PIEZO1: variants seen among roughly 807,000 people sequenced by gnomAD.
PIEZO1 encodes piezo type mechanosensitive ion channel component 1 (Er blood group), also known as piezo-type mechanosensitive ion channel component 1.
Under a neutral mutation model 297.2 loss-of-function variants are expected in PIEZO1, and 296 were observed. That is an observed-to-expected ratio of 1.00 (90% CI 0.91 to 1.10). The LOEUF is 1.10. Ranked by LOEUF, PIEZO1 falls within the 50% of genes least tolerant of loss-of-function variation. PIEZO1 has a pLI of 0.00. For synonymous variants in PIEZO1, 2,427 were observed against 1,507.5 expected (o/e 1.61, Z -14.13); for missense variants, 5,018 against 3,455.5 (o/e 1.45, Z -11.34).
chr16:88,740,933 G>C (rs1226606498), intron 5 of PIEZO1: 1 of 152,820 alleles, frequency 6.5e-6, no homozygotes, highest in African/African-American at 2.4e-5. Context: ...GTCCGTGTGA[G>C]GGGGCCATAG....
chr16:88,746,593 C>G (rs1423543379), intron 2 of PIEZO1, among the ~76,000 whole-genome samples: 1 of 152,198 alleles, frequency 6.6e-6, no homozygotes, highest in East Asian at 1.9e-4. Flanking sequence ...ACGCCAAGCC[C>G]AGCAGCTGCA....
rs1912005480 is a variant in PIEZO1 at position 88,716,106 on chromosome 16, G to A, written c.7143C>T (p.Asp2381=). ...VKQLQPNEEA[D]YLGVRIQLRR... ...GCAGCTGGATACGCACGCCGAGGTA[G>A]TCGGCCTCCTCATCTGGGATGGAGG... Residue 2381 remains aspartate (D), a synonymous_variant, in exon 50 of 51, where the codon GAC becomes GAT. Transcript: ENST00000301015. The A allele has an allele frequency of 6.5e-7, 1 of 1,546,156 alleles. No individual in the cohort carries two copies. Among genetic ancestry groups the A allele is most frequent in the Non-Finnish European group, 8.7e-7 (1 of 1,144,196 alleles).
chr16:88,725,556 G>T lies in PIEZO1; in HGVS notation c.4059-37C>A, dbSNP rs148469451. 944 of 1,535,552 alleles carry T rather than the reference G, an allele frequency of 6.1e-4. 7 individuals are homozygous for T. The African/African-American group carries it at 0.012, about 19-fold the overall frequency. The stretch of plus-strand genomic sequence containing the variant: ...AAAGGTGGGGTATGCTGAGCATTGG[G>T]GGGAGGAGCCGGGGAGTCCCCGCCC... On this transcript the variant is annotated intron_variant, in intron 28 of 50. Coordinates refer to ENST00000301015, the MANE Select transcript of PIEZO1 (RefSeq NM_001142864.4).
intron 23 of PIEZO1, 98 bp downstream of exon 23, chr16:88,727,459 G>A (rs574879837): frequency 6.7e-5 from 43 of 641,364 alleles, no homozygotes; most frequent in African/African-American, 3.1e-4. Context: ...CCACACCTCC[G>A]CCCGTGCACG....
rs943633234 is a variant in PIEZO1 at position 88,721,236 on chromosome 16, C to A, written c.5598G>T (p.Thr1866=). 6 of 1,540,738 alleles carry A rather than the reference C, an allele frequency of 3.9e-6. No homozygotes were observed. The highest frequency in any genetic ancestry group is 5.2e-6 in the Non-Finnish European group (6 of 1,145,862). ...TTCTAAAACGTAGACTGATGCGCCT[C>A]GTATCACGGGGCCTGAGCTCCACTT... is the stretch of plus-strand genomic sequence containing the variant. ...EPQVELRPRD[T]RRISLRFRRR... The change falls in exon 39 of 51, where the codon ACG becomes ACT. Residue 1866 remains threonine (T), a synonymous_variant. Coordinates refer to ENST00000301015, the MANE Select transcript of PIEZO1 (RefSeq NM_001142864.4).
chr16:88,715,519 G>C lies in PIEZO1; in HGVS notation c.*86C>G. 1 of 1,354,330 alleles carries C rather than the reference G, an allele frequency of 7.4e-7. No individual in the cohort carries two copies. The allele number at this position is 1,354,330 out of a possible 1,614,324, so 83.9% of individuals were successfully genotyped here. Reference sequence around the variant, plus strand: ...GCTGGCGGCCTTGGACGGGGCAGTGGCTCCCCCGGCCTGAGGAGTGCCGCC... The same window carrying C: ...GCTGGCGGCCTTGGACGGGGCAGTGCCTCCCCCGGCCTGAGGAGTGCCGCC... On this transcript the variant is annotated 3_prime_UTR_variant, in exon 51 of 51. Transcript: ENST00000301015.
Position 88,721,368 on chromosome 16 carries a change from C to T in PIEZO1, c.5466G>A (p.Glu1822=), listed in dbSNP as rs1248010057. ...SPSKEHDKSG[E]EEQGAEEGPG... ...GCCCCTCCTCGGCTCCCTGCTCCTC[C>T]TCGCCGCTCTTGTCATGCTCCTTGG... is the stretch of plus-strand genomic sequence containing the variant. Residue 1822 remains glutamate (E), a synonymous_variant, in exon 39 of 51, where the codon GAG becomes GAA. Transcript: ENST00000301015. The T allele has an allele frequency of 6.5e-7, 1 of 1,549,576 alleles. No individual in the cohort carries two copies.
chr16:88,737,027 C>A, intron 10 of PIEZO1: 1 of 336,640 alleles, frequency 3.0e-6, no homozygotes, highest in South Asian at 5.5e-5. Context: ...CTCTCAGGAC[C>A]CCCACCCCAG....
Position 88,715,974 on chromosome 16 carries a change from G to A in PIEZO1, c.7275C>T (p.Asp2425=). ...CNLLPMVIFS[D]KVSPPSLGFL... is the part of the protein sequence containing the mutation. ...AGCCGAGGCTCGGTGGGCTGACCTT[G>A]TCACTGAAAATGACCATGGGCAGCA... The change falls in exon 50 of 51, where the codon GAC becomes GAT. Residue 2425 remains aspartate (D), a synonymous_variant. Coordinates refer to ENST00000301015, the MANE Select transcript of PIEZO1 (RefSeq NM_001142864.4). The A allele has an allele frequency of 1.9e-6, 3 of 1,550,106 alleles. No homozygotes were observed. The highest frequency in any genetic ancestry group is 2.6e-6 in the Non-Finnish European group (3 of 1,146,872).
rs536821291 is a variant in PIEZO1, at chr16:88,716,597, C to T, written c.6888G>A (p.Thr2296=). Residue 2296 remains threonine (T), a synonymous_variant, in exon 47 of 51, where the codon ACG becomes ACA. Coordinates refer to ENST00000301015, the MANE Select transcript of PIEZO1 (RefSeq NM_001142864.4). The stretch of plus-strand genomic sequence containing the variant: ...AGGTGAAGCGCAGGGTGATGTCGGC[C>T]GTGCCGTTGTAGAGCTCCCGCTTCA... ...AQMKRELYNG[T]ADITLRFTWN... 3.4e-5 allele frequency: 52 copies of T among 1,548,408 alleles called. No homozygotes were observed. In the South Asian group the frequency reaches 3.8e-4, roughly 11 times the overall value.
intron 1 of PIEZO1, among the ~76,000 whole-genome samples, chr16:88,780,235 C>T (rs1907868379): frequency 6.6e-6 from 1 of 152,242 alleles, no homozygotes; most frequent in South Asian, 2.1e-4. Context: ...GGGCCTGTCC[C>T]TTCCCACCAG....
At chr16:88,740,224 G>C (rs1031899581) in intron 5 of PIEZO1, 8 of 152,286 alleles carry the variant, frequency 5.3e-5, no homozygotes, top group African/African-American at 1.7e-4. Flanking sequence ...CTGCCAGGCC[G>C]GGTCATGGGG....
chr16:88,748,649 C>A (rs1906198513), intron 2 of PIEZO1, among the ~76,000 whole-genome samples: 2 of 152,176 alleles, frequency 1.3e-5, no homozygotes, highest in South Asian at 4.1e-4. Context: ...TGGGGCCCAT[C>A]CACTCCCTGT....
chr16:88,770,925 A>T (rs1376271931), intron 1 of PIEZO1, among the ~76,000 whole-genome samples: 2 of 152,158 alleles, frequency 1.3e-5, no homozygotes, highest in Non-Finnish European at 2.9e-5. Flanking sequence ...GGTGGGCGGC[A>T]CTGGAGAGAC....
At chr16:88,741,442 ACCTC>A in intron 5 of PIEZO1, 32 bp downstream of exon 5, 3 of 1,499,462 alleles carry the variant, frequency 2.0e-6, no homozygotes, top group Non-Finnish European at 2.7e-6. Flanking sequence ...CTCTCGAATG[ACCTC>A]CCTGACACAC....
intron 1 of PIEZO1, among the ~76,000 whole-genome samples, chr16:88,775,209 A>C (rs139532359): frequency 6.6e-6 from 1 of 152,338 alleles, no homozygotes; most frequent in Non-Finnish European, 1.5e-5. Context: ...GAAGGTGAGC[A>C]GGATTGCCTG....
chr16:88,743,507 G>A (rs1905837925), intron 2 of PIEZO1: 1 of 455,210 alleles, frequency 2.2e-6, no homozygotes, highest in Non-Finnish European at 4.4e-6. Context: ...TCTGGGTCTG[G>A]GTCCAAGGTG....
At chr16:88,720,769 C>T (rs1280847305) in intron 39 of PIEZO1, 21 bp from the exon 40 acceptor site, 2 of 1,461,936 alleles carry the variant, frequency 1.4e-6, no homozygotes, top group Non-Finnish European at 1.8e-6. Context: ...AAGCTGACTT[C>T]TGCCTGGGCC....
Position 88,732,358 on chromosome 16 carries a change from A to C in PIEZO1, c.2968T>G (p.Phe990Val). Residue 990 changes from phenylalanine (F) to valine (V), a missense_variant, in exon 21 of 51, where the codon TTC (phenylalanine) becomes GTC (valine). Transcript: ENST00000301015. ...ACCTCCAGCCCGAATTTGTAGAAGA[A>C]GAAGTTGATGAAGTACTTGAGGCAG... ...LGCLKYFINFFFYKFGLEICF... is the reference protein window; with the variant it reads ...LGCLKYFINFVFYKFGLEICF... 1 of 1,549,580 alleles carries C rather than the reference A, an allele frequency of 6.5e-7. No homozygotes were observed. Among genetic ancestry groups the C allele is most frequent in the African/African-American group, 1.4e-5 (1 of 73,142 alleles).
Sources: allele counts gnomAD v4.1 joint callset (sites outside exome capture counted in the v4.1 genomes callset), GRCh38; gene constraint gnomAD v4.1.1; transcripts MANE v1.5; gene names NCBI Gene and HGNC (gene_info 2026-07-23, HGNC 2026-07-21).